The following GALNT13 variants were observed in gnomAD, a reference collection of about 807,000 sequenced individuals.
GALNT13 encodes UDP-GalNAc:polypeptide N-acetylgalactosaminyltransferase 13.
Under a neutral mutation model 64.2 loss-of-function variants are expected in GALNT13, and 28 were observed. The ratio of observed to expected loss-of-function variants is 0.44; its 90% CI spans 0.32 to 0.60. The LOEUF (loss-of-function observed/expected upper bound fraction) is 0.60, where lower values mean the gene tolerates loss of function less well. Ranked by LOEUF, GALNT13 falls within the 20% of genes least tolerant of loss-of-function variation. The pLI is 0.05. For synonymous variants in GALNT13, 214 were observed against 224.6 expected (o/e 0.95, Z 0.42); for missense variants, 577 against 669.8 (o/e 0.86, Z 1.53).
chr2:153,630,250 A>C, the GALNT13 span, among the ~76,000 whole-genome samples: 2 of 151,984 alleles, frequency 1.3e-5, no homozygotes, highest in African/African-American at 2.4e-5. Flanking sequence ...AACCAACCCA[A>C]ATGTCCAACA....
At chr2:153,467,567 C>A in the GALNT13 span, among the ~76,000 whole-genome samples, 1 of 151,980 alleles carries the variant, frequency 6.6e-6, no homozygotes, top group Admixed American at 6.6e-5. Flanking sequence ...CCTGTATGAC[C>A]TTGGAAAAAT....
intron 4 of GALNT13, among the ~76,000 whole-genome samples, chr2:154,213,763 T>C (rs1687901097): frequency 6.6e-6 from 1 of 152,194 alleles, no homozygotes; most frequent in Non-Finnish European, 1.5e-5. Context: ...AGATAGATAA[T>C]GCTTCAATAA....
intron 11 of GALNT13, among the ~76,000 whole-genome samples, chr2:154,428,546 G>T (rs1193485949): frequency 6.6e-6 from 1 of 152,112 alleles, no homozygotes; most frequent in East Asian, 1.9e-4. Flanking sequence ...ACATGTATAT[G>T]TATCTAGGCA....
chr2:154,299,774 G>A (rs993026709), intron 8 of GALNT13, among the ~76,000 whole-genome samples: 1 of 151,846 alleles, frequency 6.6e-6, no homozygotes, highest in Admixed American at 6.6e-5. Flanking sequence ...GAAATACGTT[G>A]ATTATTTAAG....
the GALNT13 span, among the ~76,000 whole-genome samples, chr2:153,288,154 A>G: frequency 6.6e-6 from 1 of 152,198 alleles, no homozygotes; most frequent in Non-Finnish European, 1.5e-5. Context: ...AGCCTCACGC[A>G]TGTGCAAAGA....
the GALNT13 span, among the ~76,000 whole-genome samples, chr2:153,328,623 C>T: frequency 6.6e-6 from 1 of 152,170 alleles, no homozygotes; most frequent in African/African-American, 2.4e-5. Context: ...AACCCGTCTA[C>T]TCAAGCCTCA....
In GALNT13 at chr2:154,424,672, G is replaced by A. The variant is rs149068349; in HGVS notation, c.1396-13920G>A. ...CACTCTTTGAGGGACTGACTCCGACGTGCTTATTCTACACTGGTTGCCAGG... is the reference window on the plus strand; with the variant it reads ...CACTCTTTGAGGGACTGACTCCGACATGCTTATTCTACACTGGTTGCCAGG... On this transcript the variant is annotated intron_variant, in intron 11 of 12. Transcript: ENST00000392825. Among the ~76,000 whole-genome samples the A allele has an allele frequency of 8.5e-3, 1,299 of 152,244 alleles. 21 individuals are homozygous for A. The highest frequency in any genetic ancestry group is 0.027 in the African/African-American group (1,116 of 41,550).
At chr2:153,229,466 G>A in the GALNT13 span, among the ~76,000 whole-genome samples, 2 of 152,136 alleles carry the variant, frequency 1.3e-5, no homozygotes, top group Non-Finnish European at 2.9e-5. Flanking sequence ...TAAAGTGTAA[G>A]TAAATTACAG....
At chr2:154,411,474 A>G (rs1699792506) in intron 11 of GALNT13, among the ~76,000 whole-genome samples, 1 of 151,796 alleles carries the variant, frequency 6.6e-6, no homozygotes, top group Admixed American at 6.6e-5. Flanking sequence ...AAAGCTGTAT[A>G]CCATCAAAAT....
At chr2:154,206,365 A>T (rs1341370594) in intron 4 of GALNT13, among the ~76,000 whole-genome samples, 3 of 151,960 alleles carry the variant, frequency 2.0e-5, no homozygotes, top group Admixed American at 6.6e-5. Context: ...AGAGAGAGAG[A>T]TATATCTAGA....
intron 2 of GALNT13, among the ~76,000 whole-genome samples, chr2:153,921,200 A>C (rs1391106592): frequency 3.3e-5 from 5 of 152,194 alleles, no homozygotes. Flanking sequence ...CACCATTCAC[A>C]ATAGCAGACA....
At chr2:153,683,140 T>C in the GALNT13 span, among the ~76,000 whole-genome samples, 1,206 of 151,864 alleles carry the variant, frequency 7.9e-3, 12 homozygotes, top group African/African-American at 0.028. Context: ...GGCACATAAC[T>C]AATGTTCGAG....
chr2:154,172,962 G>GA (rs1350388075), intron 4 of GALNT13, among the ~76,000 whole-genome samples: 2 of 151,910 alleles, frequency 1.3e-5, no homozygotes, highest in South Asian at 2.1e-4. Context: ...CACAGAAATA[G>GA]AAAAAAATCC....
At chr2:153,082,612 TATATATACACACACACAC>T in the GALNT13 span, among the ~76,000 whole-genome samples, 276 of 38,704 alleles carry the variant, frequency 7.1e-3, 1 homozygote, top group Middle Eastern at 0.012. Context: ...TATATATATA[TATATATACACACACACAC>T]ACACACACAC....
At chr2:154,092,366 G>T (rs1259345529) in intron 3 of GALNT13, among the ~76,000 whole-genome samples, 1 of 151,948 alleles carries the variant, frequency 6.6e-6, no homozygotes, top group Non-Finnish European at 1.5e-5. Context: ...CATTTTGTAT[G>T]CATTAAATGG....
At chr2:154,268,187 A>G (rs908436290) in intron 8 of GALNT13, among the ~76,000 whole-genome samples, 1 of 152,224 alleles carries the variant, frequency 6.6e-6, no homozygotes, top group Non-Finnish European at 1.5e-5. Context: ...AACAATCCAA[A>G]TGTCCATCAG....
At chr2:153,977,388 C>T (rs1694148363) in intron 3 of GALNT13, among the ~76,000 whole-genome samples, 1 of 152,084 alleles carries the variant, frequency 6.6e-6, no homozygotes, top group Non-Finnish European at 1.5e-5. Context: ...CCTCAGGAAA[C>T]TTTAAAGCAG....
intron 4 of GALNT13, among the ~76,000 whole-genome samples, chr2:154,194,959 C>T (rs1686800813): frequency 6.6e-6 from 1 of 151,202 alleles, no homozygotes. Context: ...CTGCACCCAT[C>T]AACCCATCAT....
At chr2:153,651,849 C>A in the GALNT13 span, among the ~76,000 whole-genome samples, 1 of 152,102 alleles carries the variant, frequency 6.6e-6, no homozygotes, top group Non-Finnish European at 1.5e-5. Context: ...TTTCCTCAAG[C>A]AAGAAGATGT....
Sources: allele counts gnomAD v4.1 joint callset (sites outside exome capture counted in the v4.1 genomes callset), GRCh38; gene constraint gnomAD v4.1.1; transcripts MANE v1.5; gene names NCBI Gene and HGNC (gene_info 2026-07-23, HGNC 2026-07-21).